The following TENM1 variants were observed in gnomAD, a reference collection of about 807,000 sequenced individuals.
The protein encoded by TENM1 is teneurin-1.
TENM1 carries 35 observed loss-of-function variants against 174.8 expected under a neutral mutation model. That is an observed-to-expected ratio of 0.20 (90% CI 0.15 to 0.27). TENM1 has a LOEUF of 0.27. Among genes scored for constraint, TENM1 ranks in the 10% least tolerant of loss-of-function variants. The probability of loss-of-function intolerance (pLI) is 1.00; values close to 1 mark genes in which losing one functional copy is unlikely to be tolerated. For missense variants in TENM1, 1,633 were observed against 2,130.1 expected (o/e 0.77, Z 4.59); for synonymous variants, 781 against 798.7 (o/e 0.98, Z 0.37).
chrX:124,445,833 G>A lies in TENM1; in HGVS notation c.4104+7504C>T, dbSNP rs142822320. On this transcript the variant is annotated intron_variant, in intron 23 of 31. Coordinates refer to ENST00000422452, the Ensembl canonical transcript of TENM1. ...CCAATTCCATTCTAGTCAGGCATCA[G>A]ATGGAAGTGAGTTACCAGAGCAGGA... Among the ~76,000 whole-genome samples, 625 of 112,197 alleles carry A rather than the reference G, an allele frequency of 5.6e-3. 4 individuals carry two copies. The highest frequency in any genetic ancestry group is 0.021 in the South Asian group (57 of 2,656).
At chrX:125,197,448 C>CA in the TENM1 span, among the ~76,000 whole-genome samples, 2 of 111,728 alleles carry the variant, frequency 1.8e-5, no homozygotes, top group African/African-American at 6.5e-5. Flanking sequence ...AAGCTGGAAC[C>CA]ATCCAGATGA....
At chrX:125,150,243 G>T in the TENM1 span, among the ~76,000 whole-genome samples, 3 of 112,034 alleles carry the variant, frequency 2.7e-5, no homozygotes, top group African/African-American at 9.7e-5. Context: ...TTTTTATTTT[G>T]ATTTCCCCTT....
chrX:124,635,385 C>T (rs985479671), intron 11 of TENM1, among the ~76,000 whole-genome samples: 49 of 112,107 alleles, frequency 4.4e-4, no homozygotes, highest in African/African-American at 1.5e-3. Flanking sequence ...AAGGAACTAA[C>T]GTTCCTTAGA....
the TENM1 span, among the ~76,000 whole-genome samples, chrX:125,071,145 C>G: frequency 9.0e-6 from 1 of 111,489 alleles, no homozygotes. Flanking sequence ...ATTTCACACC[C>G]AAAACTGAAC....
intron 11 of TENM1, among the ~76,000 whole-genome samples, chrX:124,585,959 C>T (rs1302669186): frequency 2.7e-5 from 3 of 110,420 alleles, no homozygotes; most frequent in African/African-American, 1.0e-4. Flanking sequence ...AATTCCTCGA[C>T]ACATACACCC....
At chrX:124,886,892 C>G (rs752526028) in intron 3 of TENM1, among the ~76,000 whole-genome samples, 37 of 109,378 alleles carry the variant, frequency 3.4e-4, no homozygotes, top group South Asian at 3.9e-4. Context: ...CAAGGTCACC[C>G]ATAAATAGAA....
intron 27 of TENM1, among the ~76,000 whole-genome samples, chrX:124,399,053 A>T (rs2060370349): frequency 8.9e-6 from 1 of 112,204 alleles, no homozygotes; most frequent in African/African-American, 3.2e-5. Context: ...AATTTGATTC[A>T]ATAATATAAT....
At chrX:124,761,802 C>T (rs1180084621) in intron 3 of TENM1, among the ~76,000 whole-genome samples, 2 of 111,275 alleles carry the variant, frequency 1.8e-5, no homozygotes, top group African/African-American at 3.3e-5. Context: ...TACAAATAGA[C>T]CTTAATTTAA....
chrX:124,999,166 G>A, the TENM1 span, among the ~76,000 whole-genome samples: 2 of 110,845 alleles, frequency 1.8e-5, no homozygotes, highest in Non-Finnish European at 3.8e-5. Context: ...AGAAGAAAAT[G>A]TCTTAACTCT....
At chrX:124,606,890 T>A (rs190878929) in intron 11 of TENM1, among the ~76,000 whole-genome samples, 2 of 111,114 alleles carry the variant, frequency 1.8e-5, no homozygotes, top group Admixed American at 1.9e-4. Context: ...TGTACAATAG[T>A]ACCCAGCAAC....
At chrX:125,181,823 A>T in the TENM1 span, among the ~76,000 whole-genome samples, 1 of 111,001 alleles carries the variant, frequency 9.0e-6, no homozygotes, top group East Asian at 2.9e-4. Context: ...CCTGATATGG[A>T]TATCTAGAAA....
chrX:124,591,411 G>C (rs2049738212), intron 11 of TENM1, among the ~76,000 whole-genome samples: 1 of 111,836 alleles, frequency 8.9e-6, no homozygotes, highest in South Asian at 3.8e-4. Context: ...TTTTAAGGCT[G>C]GTCTAGTGGT....
the TENM1 span, among the ~76,000 whole-genome samples, chrX:125,189,102 G>C: frequency 8.9e-6 from 1 of 112,127 alleles, no homozygotes. Flanking sequence ...ATAAACAGAA[G>C]ACTGGGGAAA....
At chrX:124,797,875 T>G (rs982177278) in intron 3 of TENM1, among the ~76,000 whole-genome samples, 3 of 110,144 alleles carry the variant, frequency 2.7e-5, no homozygotes, top group African/African-American at 9.9e-5. Context: ...GGCCCAGGTG[T>G]GTGTTGTTTC....
intron 6 of TENM1, among the ~76,000 whole-genome samples, chrX:124,654,485 AC>A (rs2051389324): frequency 8.9e-6 from 1 of 112,328 alleles, no homozygotes; most frequent in African/African-American, 3.2e-5. Flanking sequence ...AGAAAAAGTT[AC>A]TATGGGAAGT....
At chrX:124,666,508 CA>C (rs772464424) in intron 6 of TENM1, among the ~76,000 whole-genome samples, 18 of 111,607 alleles carry the variant, frequency 1.6e-4, no homozygotes, top group Non-Finnish European at 2.6e-4. Flanking sequence ...GTAACAATGA[CA>C]ACAAACAAAC....
intron 1 of TENM1, among the ~76,000 whole-genome samples, chrX:124,963,299 T>G (rs916934411): frequency 4.4e-5 from 5 of 112,557 alleles, no homozygotes; most frequent in African/African-American, 1.6e-4. Flanking sequence ...TTACACAAAT[T>G]TTGAATGCTC....
At chrX:124,760,648 G>A (rs1244107744) in intron 3 of TENM1, among the ~76,000 whole-genome samples, 1 of 111,951 alleles carries the variant, frequency 8.9e-6, no homozygotes. Flanking sequence ...AGGACTTCAT[G>A]ACTAAAACAC....
At chrX:124,823,478 G>GT (rs1317697147) in intron 3 of TENM1, among the ~76,000 whole-genome samples, 2 of 111,100 alleles carry the variant, frequency 1.8e-5, no homozygotes, top group Non-Finnish European at 3.8e-5. Flanking sequence ...GACTACTTAA[G>GT]TTTTTTTGTC....
Sources: gnomAD v4.1 joint callset for allele counts (sites outside exome capture counted in the v4.1 genomes callset) on GRCh38, gnomAD v4.1.1 for gene constraint, MANE v1.5 for transcripts, NCBI Gene and HGNC (gene_info 2026-07-23, HGNC 2026-07-21) for gene names.